COL8A1: variants seen among roughly 807,000 people sequenced by gnomAD.
COL8A1 encodes collagen type VIII alpha 1 chain.
In COL8A1, 21 loss-of-function variants were observed where a neutral mutation model predicts 42.7. The ratio of observed to expected loss-of-function variants is 0.49; its 90% confidence interval spans 0.35 to 0.71. The LOEUF (loss-of-function observed/expected upper bound fraction) is 0.71, where lower values mean the gene tolerates loss of function less well. Ranked by LOEUF, COL8A1 falls within the 30% of genes least tolerant of loss-of-function variation. COL8A1 has a pLI of 0.01. For synonymous variants in COL8A1, 367 were observed against 369.1 expected (o/e 0.99, Z 0.06); for missense variants, 788 against 962.4 (o/e 0.82, Z 2.40).
chr3:99,693,724 T>A (rs1477198633), intron 1 of COL8A1, among the ~76,000 whole-genome samples: 1 of 152,182 alleles, frequency 6.6e-6, no homozygotes. Flanking sequence ...GTTAATTTAT[T>A]ATTGAAGAAA....
chr3:99,787,262 A>G (rs574749163), intron 2 of COL8A1, among the ~76,000 whole-genome samples: 1 of 152,320 alleles, frequency 6.6e-6, no homozygotes, highest in African/African-American at 2.4e-5. Context: ...GGAATCTGAA[A>G]TTCTCTGCAG....
At chr3:99,734,543 G>C (rs1340321640) in intron 1 of COL8A1, among the ~76,000 whole-genome samples, 8 of 151,874 alleles carry the variant, frequency 5.3e-5, no homozygotes, top group Admixed American at 1.3e-4. Context: ...TGCTGTTTTG[G>C]TTACTGTAGC....
At chr3:99,757,017 G>A (rs1238549478) in intron 2 of COL8A1, among the ~76,000 whole-genome samples, 3 of 152,062 alleles carry the variant, frequency 2.0e-5, no homozygotes, top group Non-Finnish European at 2.9e-5. Flanking sequence ...AGATGAAGAA[G>A]AAACGAAATT....
chr3:99,720,478 C>A (rs1940118617), intron 1 of COL8A1, among the ~76,000 whole-genome samples: 1 of 151,904 alleles, frequency 6.6e-6, no homozygotes, highest in African/African-American at 2.4e-5. Context: ...GGGTAACTTC[C>A]TATATGGTTA....
intron 2 of COL8A1, among the ~76,000 whole-genome samples, chr3:99,765,652 G>A (rs1485046984): frequency 1.3e-5 from 2 of 152,014 alleles, no homozygotes; most frequent in Admixed American, 6.5e-5. Context: ...ATTAGGATGT[G>A]GTATTTTCTC....
Position 99,688,166 on chromosome 3 carries a change from C to T in COL8A1, c.-129+49502C>T, listed in dbSNP as rs1163717098. Among the ~76,000 whole-genome samples, 2 of 152,126 alleles carry T rather than the reference C, an allele frequency of 1.3e-5. 1 individual carries two copies. Among genetic ancestry groups the T allele is most frequent in the East Asian group, 3.9e-4 (2 of 5,190 alleles). ...ACACATATCTGCTCTCAAATTATGCCAAATGATAATGTATTTCTTGCTTAC... is the reference window on the plus strand; with the variant it reads ...ACACATATCTGCTCTCAAATTATGCTAAATGATAATGTATTTCTTGCTTAC... On this transcript the variant is annotated intron_variant, in intron 1 of 3. Coordinates refer to ENST00000652472, the MANE Select transcript of COL8A1 (RefSeq NM_020351.4).
intron 1 of COL8A1, among the ~76,000 whole-genome samples, chr3:99,660,967 G>T (rs1031191658): frequency 3.3e-5 from 5 of 152,128 alleles, no homozygotes; most frequent in African/African-American, 1.2e-4. Flanking sequence ...TGCTGGAAAG[G>T]GAATGGAAAT....
Position 99,796,754 on chromosome 3 carries a change from CGT to C in COL8A1, c.*621_*622del, listed in dbSNP as rs1559639743. 1 of 152,146 alleles carries C rather than the reference CGT, an allele frequency of 6.6e-6. No individual in the cohort carries two copies. The highest frequency in any genetic ancestry group is 2.4e-5 in the African/African-American group (1 of 41,430). The allele number at this position is 152,146 out of a possible 1,614,324, so 9.4% of individuals were successfully genotyped here. ...GTAACAGGAGTCCTCGTCAGAATTG[CGT>C]GTCTGTTGTCTCTAAAAGAATGGGT... On this transcript the variant is annotated 3_prime_UTR_variant, in exon 4 of 4. Transcript: ENST00000652472.
At chr3:99,712,460 C>T (rs114013158) in intron 1 of COL8A1, among the ~76,000 whole-genome samples, 2,276 of 152,244 alleles carry the variant, frequency 0.015, 28 homozygotes, top group Non-Finnish European at 0.025. Context: ...AGTCCACCTC[C>T]CAGCCTGTCG....
At chr3:99,736,719 G>T (rs1382715602) in intron 1 of COL8A1, among the ~76,000 whole-genome samples, 1 of 152,068 alleles carries the variant, frequency 6.6e-6, no homozygotes, top group Non-Finnish European at 1.5e-5. Flanking sequence ...TTGATTTGGG[G>T]TGGAGAGTTC....
At chr3:99,675,751 G>T (rs1310969898) in intron 1 of COL8A1, 1 of 152,328 alleles carries the variant, frequency 6.6e-6, no homozygotes, top group Non-Finnish European at 1.5e-5. Flanking sequence ...TTAGATATTT[G>T]CGGTGTGCCT....
intron 1 of COL8A1, among the ~76,000 whole-genome samples, chr3:99,693,547 A>G (rs1161550170): frequency 6.6e-6 from 1 of 152,230 alleles, no homozygotes; most frequent in Admixed American, 6.5e-5. Context: ...AGAAAAGTCT[A>G]AAAAGTAAAA....
chr3:99,746,036 A>G (rs556375600), intron 2 of COL8A1, among the ~76,000 whole-genome samples: 37 of 152,164 alleles, frequency 2.4e-4, no homozygotes, highest in Non-Finnish European at 5.1e-4. Context: ...ATGAATTGCT[A>G]AGATTCCCCA....
At chr3:99,773,815 G>GTATATATATATATATATATATATATAA (rs1553682062) in intron 2 of COL8A1, among the ~76,000 whole-genome samples, 2 of 35,900 alleles carry the variant, frequency 5.6e-5, no homozygotes, top group African/African-American at 2.2e-4. Context: ...ATATATGTGT[G>GTATATATATATATATATATATATATAA]TATATATATA....
intron 2 of COL8A1, among the ~76,000 whole-genome samples, chr3:99,768,891 T>C (rs1440073208): frequency 6.6e-6 from 1 of 152,212 alleles, no homozygotes; most frequent in Non-Finnish European, 1.5e-5. Flanking sequence ...TTCACACACA[T>C]GTGAATTCTA....
intron 1 of COL8A1, among the ~76,000 whole-genome samples, chr3:99,676,519 G>A (rs1938702906): frequency 6.6e-6 from 1 of 151,986 alleles, no homozygotes; most frequent in South Asian, 2.1e-4. Context: ...TTCAGAAAAG[G>A]GGTTTGATAA....
intron 3 of COL8A1, among the ~76,000 whole-genome samples, chr3:99,793,853 G>A (rs1942049048): frequency 6.6e-6 from 1 of 152,134 alleles, no homozygotes; most frequent in Non-Finnish European, 1.5e-5. Flanking sequence ...CTGGGTTCAA[G>A]TGATTCTCCT....
intron 1 of COL8A1, chr3:99,685,588 T>G (rs1187032007): frequency 6.6e-6 from 1 of 152,152 alleles, no homozygotes; most frequent in Non-Finnish European, 1.5e-5. Flanking sequence ...AATTGTAGAG[T>G]CTTTTTATTA....
At chr3:99,677,202 T>G (rs565637268) in intron 1 of COL8A1, among the ~76,000 whole-genome samples, 11 of 152,040 alleles carry the variant, frequency 7.2e-5, no homozygotes, top group African/African-American at 2.7e-4. Context: ...ATTTAAAGAA[T>G]GAACATCAAG....
Sources: allele counts gnomAD v4.1 joint callset (sites outside exome capture counted in the v4.1 genomes callset), GRCh38; gene constraint gnomAD v4.1.1; transcripts MANE v1.5; gene names NCBI Gene and HGNC (gene_info 2026-07-23, HGNC 2026-07-21).